The following VRK2 variants were observed in gnomAD, a reference collection of about 807,000 sequenced individuals.
The protein encoded by VRK2 is VRK serine/threonine kinase 2, also known as serine/threonine-protein kinase VRK2.
In VRK2, 60 loss-of-function variants were observed where a neutral mutation model predicts 57.6. The observed-to-expected ratio is 1.04, with a 90% confidence interval of 0.85 to 1.29. The LOEUF (loss-of-function observed/expected upper bound fraction) is 1.29. VRK2 is among the 50% of genes most tolerant of loss of function. The pLI is 0.00. For synonymous variants in VRK2, 231 were observed against 199.2 expected (o/e 1.16, Z -1.35); for missense variants, 705 against 588.1 (o/e 1.20, Z -2.06).
chr2:58,094,707 T>A, intron 7 of VRK2, among the ~76,000 whole-genome samples: 1 of 152,218 alleles, frequency 6.6e-6, no homozygotes, highest in East Asian at 1.9e-4. Flanking sequence ...TTTCCAGTTG[T>A]TCCAACACTA....
At position 58,076,494 on chromosome 2, in the gene VRK2, T is replaced by A. The variant is rs372422900; in HGVS notation, c.137-7595T>A. On this transcript the variant is annotated intron_variant, in intron 2 of 12. Transcript: ENST00000340157. ...ATGATTTCTACTGAATGCACAGTGC[T>A]TTTTCACCATTGTAAAGTAGAAAAA... Among the ~76,000 whole-genome samples, 51 of 152,180 alleles carry A rather than the reference T, an allele frequency of 3.4e-4. No individual in the cohort carries two copies. The South Asian group carries it at 9.7e-3, about 29-fold the overall frequency.
At chr2:58,124,870 G>C (rs1030556076) in intron 8 of VRK2, among the ~76,000 whole-genome samples, 1 of 151,916 alleles carries the variant, frequency 6.6e-6, no homozygotes, top group Non-Finnish European at 1.5e-5. Context: ...GGTTAGAAAA[G>C]TAATAATCAG....
chr2:57,963,107 T>C (rs1158738145), intron 1 of VRK2, among the ~76,000 whole-genome samples: 1 of 152,214 alleles, frequency 6.6e-6, no homozygotes, highest in East Asian at 1.9e-4. Flanking sequence ...CTAGAGGTTT[T>C]AGAGTCATGC....
intron 9 of VRK2, 102 bp from the exon 10 acceptor site, chr2:58,135,039 C>A: frequency 2.4e-6 from 3 of 1,244,316 alleles, no homozygotes; most frequent in Non-Finnish European, 3.4e-6. Flanking sequence ...TTGAAAGTCA[C>A]AATTTTGGTG....
At chr2:57,922,275 A>G (rs939480304) in intron 1 of VRK2, among the ~76,000 whole-genome samples, 4 of 152,102 alleles carry the variant, frequency 2.6e-5, no homozygotes, top group Non-Finnish European at 5.9e-5. Context: ...TCTGCTATAT[A>G]TACAGAAGAC....
At chr2:58,106,368 T>A (rs1165375153) in intron 7 of VRK2, among the ~76,000 whole-genome samples, 1 of 152,080 alleles carries the variant, frequency 6.6e-6, no homozygotes, top group African/African-American at 2.4e-5. Flanking sequence ...CAGGCTTTGA[T>A]GTTTTGCTAA....
Position 58,123,968 on chromosome 2 carries a change from A to G in VRK2, c.676+735A>G, listed in dbSNP as rs569491992. The stretch of plus-strand genomic sequence containing the variant: ...GTAAGGTTATTTTTTCTGAAACCAT[A>G]AAGTGTTAATTTGTGGAAATCTCTC... On this transcript the variant is annotated intron_variant, in intron 8 of 12. Transcript: ENST00000340157. Among the ~76,000 whole-genome samples, 3 of 152,314 alleles carry G rather than the reference A, an allele frequency of 2.0e-5. No homozygotes were observed. In the South Asian group the frequency reaches 6.2e-4, roughly 32 times the overall value.
At chr2:57,949,350 T>C (rs1671355628) in intron 1 of VRK2, among the ~76,000 whole-genome samples, 1 of 152,204 alleles carries the variant, frequency 6.6e-6, no homozygotes, top group Non-Finnish European at 1.5e-5. Context: ...CAGGGCCATT[T>C]TTCCAACAGC....
At chr2:58,119,099 C>A (rs747539522) in intron 7 of VRK2, among the ~76,000 whole-genome samples, 2 of 152,142 alleles carry the variant, frequency 1.3e-5, no homozygotes, top group African/African-American at 4.8e-5. Flanking sequence ...ACAGGGGATG[C>A]GATGGCTTGG....
intron 2 of VRK2, among the ~76,000 whole-genome samples, chr2:58,053,566 A>C (rs1325239138): frequency 6.6e-6 from 1 of 152,188 alleles, no homozygotes; most frequent in Non-Finnish European, 1.5e-5. Flanking sequence ...ACATACATAG[A>C]ATGTTTTTAC....
At chr2:58,098,567 T>C (rs1673495385) in intron 7 of VRK2, among the ~76,000 whole-genome samples, 1 of 152,040 alleles carries the variant, frequency 6.6e-6, no homozygotes, top group African/African-American at 2.4e-5. Flanking sequence ...TGTGTTACAG[T>C]TGTCTGCAGT....
exon 2 of VRK2, chr2:58,025,743 G>A (rs772200330): frequency 1.3e-5 from 2 of 152,072 alleles, no homozygotes; most frequent in African/African-American, 2.4e-5. Flanking sequence ...ATCAAGGTTG[G>A]TTCAGTTTAC....
At chr2:58,009,041 T>A (rs530479344) in intron 1 of VRK2, among the ~76,000 whole-genome samples, 2 of 152,236 alleles carry the variant, frequency 1.3e-5, no homozygotes, top group African/African-American at 4.8e-5. Context: ...ACTAATTCCA[T>A]TCACAAGGAA....
chr2:58,032,377 T>C (rs890471632), intron 2 of VRK2, among the ~76,000 whole-genome samples: 5 of 152,076 alleles, frequency 3.3e-5, no homozygotes, highest in African/African-American at 7.2e-5. Flanking sequence ...GGAAGATTCA[T>C]TGTCTAGTGA....
intron 1 of VRK2, among the ~76,000 whole-genome samples, chr2:57,995,041 A>G (rs1672883790): frequency 6.6e-6 from 1 of 152,234 alleles, no homozygotes; most frequent in South Asian, 2.1e-4. Context: ...AAGTATTTTA[A>G]TAGTCTTTTC....
intron 1 of VRK2, among the ~76,000 whole-genome samples, chr2:57,921,265 G>A (rs1466668405): frequency 6.7e-6 from 1 of 149,402 alleles, no homozygotes; most frequent in Non-Finnish European, 1.5e-5. Flanking sequence ...AAAAGTACCT[G>A]CCCAGGTAAT....
At chr2:58,137,654 A>G (rs1451179323) in intron 10 of VRK2, among the ~76,000 whole-genome samples, 2 of 152,174 alleles carry the variant, frequency 1.3e-5, no homozygotes, top group African/African-American at 2.4e-5. Context: ...GAAACATTTT[A>G]TGAAATAAAA....
At chr2:58,067,216 T>C (rs746818104) in intron 2 of VRK2, among the ~76,000 whole-genome samples, 22 of 152,312 alleles carry the variant, frequency 1.4e-4, no homozygotes, top group Admixed American at 3.3e-4. Flanking sequence ...AAGGCTGCAC[T>C]GTTGGCTTCC....
intron 2 of VRK2, among the ~76,000 whole-genome samples, chr2:58,058,732 C>G (rs549738818): frequency 8.2e-4 from 124 of 151,954 alleles, no homozygotes; most frequent in Non-Finnish European, 1.4e-3. Flanking sequence ...TAGTGTGTGC[C>G]AAGCTCTGTG....
Sources: allele counts gnomAD v4.1 joint callset (sites outside exome capture counted in the v4.1 genomes callset), GRCh38; gene constraint gnomAD v4.1.1; transcripts MANE v1.5; gene names NCBI Gene and HGNC (gene_info 2026-07-23, HGNC 2026-07-21).